Variants in TRPV2 observed in about 807,000 individuals in gnomAD.
The protein encoded by TRPV2 is transient receptor potential cation channel subfamily V member 2.
Under a neutral mutation model 91.0 loss-of-function variants are expected in TRPV2, and 58 were observed. The ratio of observed to expected loss-of-function variants is 0.64; its 90% CI spans 0.52 to 0.79. The LOEUF (loss-of-function observed/expected upper bound fraction) is 0.79. Among genes scored for constraint, TRPV2 ranks in the 30% least tolerant of loss-of-function variants. The pLI, the probability that TRPV2 is intolerant of heterozygous loss-of-function variation, is 0.00. For synonymous variants in TRPV2, 417 were observed against 414.8 expected, an observed-to-expected ratio of 1.01 and a Z score of -0.06; for missense variants, 807 against 969.6, an observed-to-expected ratio of 0.83 and a Z score of 2.23.
At chr17:16,433,281 A>C in intron 12 of TRPV2, 1 of 301,538 alleles carries the variant, frequency 3.3e-6, no homozygotes, top group Non-Finnish European at 6.3e-6. Context: ...GGAGCCTGGA[A>C]CGATGTAAGA....
At chr17:16,425,972 C>T (rs34192401) in intron 5 of TRPV2, 127 bp from the exon 6 acceptor site, 223,802 of 971,622 alleles carry the variant, frequency 0.23, 28,848 homozygotes, top group Non-Finnish European at 0.27. Flanking sequence ...TATGGGGGTA[C>T]GTGCACGTGT....
rs144877472 is a variant in TRPV2 at position 16,432,183 on chromosome 17, G to A, written c.1872G>A (p.Leu624=). 1.1e-5 allele frequency: 17 copies of A among 1,614,130 alleles called. No individual in the cohort carries two copies. In the African/African-American group the frequency reaches 2.0e-4, roughly 19 times the overall value. Residue 624 remains leucine (L), a synonymous_variant, in exon 12 of 15, where the codon CTG becomes CTA. Transcript: ENST00000338560. ...EQLHFRGMVL[L]LLLAYVLLTY... The stretch of plus-strand genomic sequence containing the variant: ...TGCACTTCCGCGGCATGGTGCTGCT[G>A]CTGCTGCTGGCCTACGTGCTGCTCA...
intron 13 of TRPV2, 42 bp from the exon 14 acceptor site, chr17:16,434,848 G>A (rs201192571): frequency 1.1e-5 from 18 of 1,593,932 alleles, no homozygotes; most frequent in African/African-American, 5.4e-5. Flanking sequence ...GAGGGGAGGC[G>A]GTCAAAGCAG....
chr17:16,422,930 G>T (rs749968659), intron 4 of TRPV2, 41 bp downstream of exon 4: 3 of 1,539,430 alleles, frequency 1.9e-6, no homozygotes, highest in Non-Finnish European at 2.6e-6. Context: ...CAAAGAGAGA[G>T]TAAGGCCTGG....
chr17:16,421,244 C>G (rs1011601569), intron 3 of TRPV2, among the ~76,000 whole-genome samples: 5 of 151,354 alleles, frequency 3.3e-5, no homozygotes, highest in African/African-American at 1.2e-4. Flanking sequence ...GAGTCTTGCT[C>G]TGTTGCCCAG....
At chr17:16,427,008 G>A in intron 7 of TRPV2, 131 bp downstream of exon 7, 1 of 1,022,000 alleles carries the variant, frequency 9.8e-7, no homozygotes, top group Non-Finnish European at 1.4e-6. Flanking sequence ...ATGGGAGCCA[G>A]CACTGCAGTA....
At chr17:16,420,274 G>A (rs754758369) in intron 3 of TRPV2, 26 bp downstream of exon 3, 1 of 1,587,382 alleles carries the variant, frequency 6.3e-7, no homozygotes, top group South Asian at 1.1e-5. Flanking sequence ...TGGATCCAAG[G>A]CTAGGCATCC....
At position 16,422,651 on chromosome 17, in the gene TRPV2, C is replaced by A. The variant is rs567571730; in HGVS notation, c.387C>A (p.Asp129Glu). 7 of 1,614,130 alleles carry A rather than the reference C, an allele frequency of 4.3e-6. No homozygotes were observed. The East Asian group carries it at 1.6e-4, about 36-fold the overall frequency. Residue 129 changes from aspartate to glutamate, a missense_variant, in exon 4 of 15, where the codon GAC becomes GAA. Asp to Glu is a conservative substitution (Grantham distance 45, BLOSUM62 2). Coordinates refer to ENST00000338560, the MANE Select transcript of TRPV2 (RefSeq NM_016113.5). ...TGAAGGCTGTGCTGAACCTTAAGGA[C>A]GGAGTCAATGCCTGCATTCTGCCAC... ...CLMKAVLNLK[D>E]GVNACILPLL...
Position 16,423,756 on chromosome 17 carries a change from G to C in TRPV2, c.913G>C (p.Gly305Arg). ...GCCTCTGAAGCTGGCCGCCAAGGAG[G>C]GCAAGATCGAGGTGAGCGGCTGTCC... is the stretch of plus-strand genomic sequence containing the variant. The part of the protein sequence containing the change: ...LTPLKLAAKE[G>R]KIEIFRHILQ... The change falls in exon 5 of 15, where the codon GGC becomes CGC. Residue 305 changes from glycine to arginine, a missense_variant. Physicochemically the swap from Gly to Arg is moderately radical, Grantham distance 125. Transcript: ENST00000338560. 9 of 1,579,586 alleles carry C rather than the reference G, an allele frequency of 5.7e-6. No individual in the cohort carries two copies. The highest frequency in any genetic ancestry group is 7.8e-6 in the Non-Finnish European group (9 of 1,158,586).
intron 5 of TRPV2, 118 bp from the exon 6 acceptor site, chr17:16,425,981 G>C: frequency 8.8e-7 from 1 of 1,134,970 alleles, no homozygotes; most frequent in Non-Finnish European, 1.3e-6. Flanking sequence ...ACGTGCACGT[G>C]TCAGCTGCAG....
In TRPV2 at chr17:16,422,663, C is replaced by A; in HGVS notation, c.399C>A (p.Ala133=). ...TGAACCTTAAGGACGGAGTCAATGC[C>A]TGCATTCTGCCACTGCTGCAGATCG... ...AVLNLKDGVN[A]CILPLLQIDR... The change falls in exon 4 of 15, where the codon GCC becomes GCA. Residue 133 remains alanine, a synonymous_variant. Coordinates refer to ENST00000338560, the MANE Select transcript of TRPV2 (RefSeq NM_016113.5). The A allele has an allele frequency of 6.2e-7, 1 of 1,613,978 alleles. No homozygotes were observed. Among genetic ancestry groups the A allele is most frequent in the Non-Finnish European group, 8.5e-7 (1 of 1,179,950 alleles).
intron 10 of TRPV2, among the ~76,000 whole-genome samples, chr17:16,431,037 GTT>G (rs762155859): frequency 1.0e-4 from 14 of 139,668 alleles, no homozygotes; most frequent in African/African-American, 3.2e-4. Flanking sequence ...ACCCTGGAAG[GTT>G]TTTTTTTTTT....
At chr17:16,424,719 A>G (rs2093374931) in intron 5 of TRPV2, among the ~76,000 whole-genome samples, 1 of 151,960 alleles carries the variant, frequency 6.6e-6, no homozygotes, top group Admixed American at 6.6e-5. Context: ...TGAATTTAGT[A>G]TTTTGTCTAC....
intron 10 of TRPV2, among the ~76,000 whole-genome samples, chr17:16,430,620 G>A (rs533697706): frequency 6.6e-6 from 1 of 152,066 alleles, no homozygotes; most frequent in African/African-American, 2.4e-5. Context: ...CGAGTAGCTG[G>A]GACTACAGGC....
intron 12 of TRPV2, 165 bp from the exon 13 acceptor site, chr17:16,433,409 C>A: frequency 1.0e-6 from 1 of 1,001,878 alleles, no homozygotes; most frequent in Non-Finnish European, 1.4e-6. Flanking sequence ...CCCAACCCCA[C>A]ACAGGTAACC....
At chr17:16,430,320 G>A (rs937148432) in intron 10 of TRPV2, among the ~76,000 whole-genome samples, 24 of 151,900 alleles carry the variant, frequency 1.6e-4, no homozygotes, top group Admixed American at 1.4e-3. Flanking sequence ...CCTTCCCCCA[G>A]TCCCTGGAAG....
intron 10 of TRPV2, among the ~76,000 whole-genome samples, chr17:16,431,043 T>TG (rs1555882951): frequency 8.0e-5 from 12 of 150,566 alleles, no homozygotes; most frequent in African/African-American, 2.2e-4. Flanking sequence ...GAAGGTTTTT[T>TG]TTTTTTGTTT....
chr17:16,418,511 T>C (rs577165221), intron 2 of TRPV2, among the ~76,000 whole-genome samples: 56 of 152,208 alleles, frequency 3.7e-4, no homozygotes, highest in African/African-American at 1.3e-3. Flanking sequence ...CAGGCTAGAC[T>C]CTGCCACAGA....
At position 16,417,878 on chromosome 17, in the gene TRPV2, C is replaced by T; in HGVS notation, c.200+10C>T. On this transcript the variant is annotated intron_variant, in intron 2 of 14. Coordinates refer to ENST00000338560, the MANE Select transcript of TRPV2 (RefSeq NM_016113.5). ...AGGGAACAGGTGCCAGGTGAGACAG[C>T]AAGTGGGGGCAGGGCAAAGGGGGCC... The T allele has an allele frequency of 1.2e-6, 2 of 1,612,424 alleles. No homozygotes were observed. Among genetic ancestry groups the T allele is most frequent in the Non-Finnish European group, 1.7e-6 (2 of 1,179,108 alleles).
Sources: gnomAD v4.1 joint callset for allele counts (sites outside exome capture counted in the v4.1 genomes callset) on GRCh38, gnomAD v4.1.1 for gene constraint, MANE v1.5 for transcripts, NCBI Gene and HGNC (gene_info 2026-07-23, HGNC 2026-07-21) for gene names.